Variants in ZDHHC15 observed in about 807,000 individuals in gnomAD.
ZDHHC15 encodes the protein palmitoyltransferase ZDHHC15.
Under a neutral mutation model 31.7 loss-of-function variants are expected in ZDHHC15, and 19 were observed. The ratio of observed to expected loss-of-function variants is 0.60; its 90% confidence interval spans 0.42 to 0.88. The LOEUF (loss-of-function observed/expected upper bound fraction) is 0.88, where lower values mean the gene tolerates loss of function less well. ZDHHC15 is among the 40% of genes least tolerant of loss of function. ZDHHC15 has a pLI of 0.00. For synonymous variants in ZDHHC15, 103 were observed against 90.0 expected, an observed-to-expected ratio of 1.14 and a Z score of -0.82; for missense variants, 209 against 251.2, an observed-to-expected ratio of 0.83 and a Z score of 1.14.
At chrX:75,420,712 C>T (rs1378374806) in intron 9 of ZDHHC15, among the ~76,000 whole-genome samples, 1 of 110,699 alleles carries the variant, frequency 9.0e-6, no homozygotes, top group African/African-American at 3.3e-5. Context: ...GAACAGAAAA[C>T]CAAACACCGC....
chrX:75,484,696 C>A (rs983393219), intron 2 of ZDHHC15, among the ~76,000 whole-genome samples: 2 of 111,668 alleles, frequency 1.8e-5, no homozygotes, highest in Non-Finnish European at 3.8e-5. Flanking sequence ...ACCATATGAC[C>A]CAAGAATCCC....
chrX:75,488,469 C>T (rs766015640), intron 2 of ZDHHC15, among the ~76,000 whole-genome samples: 3 of 112,202 alleles, frequency 2.7e-5, no homozygotes, highest in Non-Finnish European at 5.6e-5. Flanking sequence ...AAAACAAATG[C>T]TGAGAGAATT....
At position 75,407,472 on chromosome X, in the gene ZDHHC15, G is replaced by A. The variant is rs763549747; in HGVS notation, c.967+9615C>T. ...CAGCCCCCGCCCGGTCAGCCACCCCGCCTGGCCAGCCGCCCCGTCCGGGAG... is the reference window on the plus strand; with the variant it reads ...CAGCCCCCGCCCGGTCAGCCACCCCACCTGGCCAGCCGCCCCGTCCGGGAG... On this transcript the variant is annotated intron_variant, in intron 10 of 11. Coordinates refer to ENST00000373367, the MANE Select transcript of ZDHHC15 (RefSeq NM_144969.3). Among the ~76,000 whole-genome samples, 637 of 106,474 alleles carry A rather than the reference G, an allele frequency of 6.0e-3. 3 individuals are homozygous for A. The highest frequency in any genetic ancestry group is 0.01 in the African/African-American group (305 of 29,518). 92.5% of individuals were successfully genotyped at this position (106,474 alleles called of 115,157 possible).
chrX:75,490,631 T>C (rs1433269498), intron 2 of ZDHHC15, among the ~76,000 whole-genome samples: 1 of 111,727 alleles, frequency 9.0e-6, no homozygotes, highest in Admixed American at 9.5e-5. Context: ...GTGCATGGAA[T>C]GTTCTTCCAT....
rs146328610 is a variant in ZDHHC15 at position 75,491,869 on chromosome X, A to G, written c.164-12884T>C. ...ATTGTAAAGTCCATCGAGGCAAGGA[A>G]GAAACTGCATCAATTAACGAGCAAA... On this transcript the variant is annotated intron_variant, in intron 2 of 11. Coordinates refer to ENST00000373367, the MANE Select transcript of ZDHHC15 (RefSeq NM_144969.3). Among the ~76,000 whole-genome samples, 885 of 111,726 alleles carry G rather than the reference A, an allele frequency of 7.9e-3. 11 individuals are homozygous for G. Among genetic ancestry groups the G allele is most frequent in the African/African-American group, 0.027 (817 of 30,795 alleles).
intron 4 of ZDHHC15, among the ~76,000 whole-genome samples, chrX:75,449,101 T>G (rs1255076702): frequency 7.3e-5 from 8 of 109,530 alleles, no homozygotes; most frequent in Admixed American, 4.0e-4. Flanking sequence ...ATAATTACAT[T>G]ACCAGCTTTC....
intron 4 of ZDHHC15, among the ~76,000 whole-genome samples, chrX:75,439,408 C>A (rs975229917): frequency 3.6e-5 from 4 of 111,094 alleles, no homozygotes; most frequent in African/African-American, 9.8e-5. Context: ...AATTCAAAAG[C>A]CTTTTCTTTA....
chrX:75,500,322 T>G (rs1034457471), intron 2 of ZDHHC15, among the ~76,000 whole-genome samples: 1 of 109,876 alleles, frequency 9.1e-6, no homozygotes, highest in Admixed American at 9.9e-5. Flanking sequence ...ACCCATACTA[T>G]GAAATACTCG....
intron 3 of ZDHHC15, among the ~76,000 whole-genome samples, chrX:75,461,302 C>T (rs1201700768): frequency 1.8e-5 from 2 of 111,594 alleles, no homozygotes; most frequent in Non-Finnish European, 3.8e-5. Flanking sequence ...AGCAAACCTA[C>T]AACTGATTGG....
chrX:75,397,019 G>C (rs953371978), intron 10 of ZDHHC15, among the ~76,000 whole-genome samples: 2 of 111,007 alleles, frequency 1.8e-5, no homozygotes, highest in South Asian at 7.7e-4. Context: ...GGGGAAGTTG[G>C]GATGGTTAAC....
At chrX:75,516,946 C>G (rs1168091254) in intron 1 of ZDHHC15, among the ~76,000 whole-genome samples, 1 of 112,164 alleles carries the variant, frequency 8.9e-6, no homozygotes, top group African/African-American at 3.2e-5. Flanking sequence ...AGACATTTCT[C>G]AAAAGAAGAC....
intron 4 of ZDHHC15, among the ~76,000 whole-genome samples, chrX:75,440,481 G>A (rs921011841): frequency 3.6e-5 from 4 of 111,654 alleles, no homozygotes; most frequent in Admixed American, 9.5e-5. Context: ...GGGTTTCACC[G>A]TGTTAGCCAG....
At chrX:75,407,530 G>A (rs1046273182) in intron 10 of ZDHHC15, among the ~76,000 whole-genome samples, 36 of 64,559 alleles carry the variant, frequency 5.6e-4, no homozygotes, top group South Asian at 1.3e-3. Flanking sequence ...CCGGCCAGCC[G>A]CCCCGTCCGG....
chrX:75,504,333 T>C (rs1206069363), intron 2 of ZDHHC15, among the ~76,000 whole-genome samples: 1 of 112,010 alleles, frequency 8.9e-6, no homozygotes, highest in Non-Finnish European at 1.9e-5. Context: ...ATGTTCTTAC[T>C]GGCAGTCATA....
At chrX:75,424,852 T>C in intron 7 of ZDHHC15, 68 bp from the exon 8 acceptor site, 1 of 1,035,284 alleles carries the variant, frequency 9.7e-7, no homozygotes, top group South Asian at 3.0e-5. Flanking sequence ...TCTAAATATA[T>C]AGGTTAGTAG....
intron 10 of ZDHHC15, among the ~76,000 whole-genome samples, chrX:75,406,709 C>CA (rs34310729): frequency 0.032 from 2,306 of 71,174 alleles, 48 homozygotes; most frequent in African/African-American, 0.076. Context: ...AGTCTTCCAT[C>CA]AAAAAAAAAA....
At chrX:75,505,961 T>C (rs751790227) in intron 1 of ZDHHC15, 114 bp from the exon 2 acceptor site, 172 of 650,330 alleles carry the variant, frequency 2.6e-4, no homozygotes, top group Non-Finnish European at 3.7e-4. Context: ...TTCCACAGCA[T>C]CATTTGAGTA....
rs7051909 is a variant in ZDHHC15, at chrX:75,414,847, C to A, written c.967+2240G>T. Among the ~76,000 whole-genome samples, 477 of 108,001 alleles carry A rather than the reference C, an allele frequency of 4.4e-3. 4 individuals carry two copies. The highest frequency in any genetic ancestry group is 0.013 in the African/African-American group (372 of 29,686). 93.8% of individuals were successfully genotyped at this position (108,001 alleles called of 115,157 possible). A position where few individuals can be genotyped will look rare whatever the true frequency, so the allele number is the denominator to read the frequency against. On this transcript the variant is annotated intron_variant, in intron 10 of 11. Coordinates refer to ENST00000373367, the MANE Select transcript of ZDHHC15 (RefSeq NM_144969.3). ...GTGGCACGATCTCAGCTCACTGCAA[C>A]CTCCATCTCCTGGGTTCAAGTGATT...
intron 3 of ZDHHC15, among the ~76,000 whole-genome samples, chrX:75,455,632 A>C (rs1292852088): frequency 8.9e-6 from 1 of 112,224 alleles, no homozygotes; most frequent in African/African-American, 3.2e-5. Flanking sequence ...ACAATGGGCT[A>C]ATATCCAGAA....
Sources: gnomAD v4.1 joint callset for allele counts (sites outside exome capture counted in the v4.1 genomes callset) on GRCh38, gnomAD v4.1.1 for gene constraint, MANE v1.5 for transcripts, NCBI Gene and HGNC (gene_info 2026-07-23, HGNC 2026-07-21) for gene names.